KCNQ5: variants seen among roughly 807,000 people sequenced by gnomAD.
KCNQ5 encodes the protein potassium voltage-gated channel subfamily Q member 5, also known as potassium voltage-gated channel subfamily KQT member 5.
In KCNQ5, 30 loss-of-function variants were observed where a neutral mutation model predicts 98.2. The observed-to-expected ratio is 0.31, with a 90% CI of 0.23 to 0.41. KCNQ5 has a LOEUF of 0.41. Ranked by LOEUF, KCNQ5 falls within the 10% of genes least tolerant of loss-of-function variation. KCNQ5 has a pLI of 1.00. For missense variants in KCNQ5, 835 were observed against 1,182.5 expected, an observed-to-expected ratio of 0.71 and a Z score of 4.31; for synonymous variants, 458 against 449.4, an observed-to-expected ratio of 1.02 and a Z score of -0.24.
At chr6:72,666,441 G>A (rs1033440052) in intron 1 of KCNQ5, among the ~76,000 whole-genome samples, 1 of 152,070 alleles carries the variant, frequency 6.6e-6, no homozygotes, top group Non-Finnish European at 1.5e-5. Context: ...AAATGAAAGA[G>A]CATTTAATAT....
intron 1 of KCNQ5, among the ~76,000 whole-genome samples, chr6:72,633,020 G>A (rs967987274): frequency 6.6e-6 from 1 of 152,162 alleles, no homozygotes; most frequent in Non-Finnish European, 1.5e-5. Context: ...GCTTTCCACA[G>A]TGACTCAACT....
rs530635637 is a variant in KCNQ5 at position 72,920,765 on chromosome 6, T to C, written c.399-83143T>C. ...ATTTTGTCTGATTTTCTAAGTGCAG[T>C]GGTTTTGCCACACACTAAAATGTGG... On this transcript the variant is annotated intron_variant, in intron 1 of 13. Coordinates refer to ENST00000370398, the MANE Select transcript of KCNQ5 (RefSeq NM_019842.4). Among the ~76,000 whole-genome samples, 9 of 152,342 alleles carry C rather than the reference T, an allele frequency of 5.9e-5. No individual in the cohort carries two copies. In the East Asian group the frequency reaches 1.7e-3, roughly 29 times the overall value.
At chr6:73,104,178 A>G (rs1456991004) in intron 5 of KCNQ5, among the ~76,000 whole-genome samples, 3 of 152,128 alleles carry the variant, frequency 2.0e-5, no homozygotes, top group African/African-American at 7.2e-5. Context: ...CTGTTTGCTG[A>G]CAACATAATC....
rs923417784 is a variant in KCNQ5 at position 72,791,136 on chromosome 6, G to A, written c.398+168549G>A. Among the ~76,000 whole-genome samples the A allele has an allele frequency of 4.6e-5, 7 of 152,322 alleles. No individual in the cohort carries two copies. The East Asian group carries it at 1.3e-3, about 29-fold the overall frequency. ...GAAGCTGCGAGGCCTCTCGGGAGAA[G>A]CAGCATTTGAGGTAAGATCTGAAAG... On this transcript the variant is annotated intron_variant, in intron 1 of 13. Transcript: ENST00000370398.
intron 1 of KCNQ5, among the ~76,000 whole-genome samples, chr6:72,670,594 C>A (rs548246807): frequency 6.6e-6 from 1 of 152,120 alleles, no homozygotes; most frequent in Non-Finnish European, 1.5e-5. Context: ...GAATAAGTAA[C>A]TTAAACGACA....
chr6:72,986,504 C>A, intron 1 of KCNQ5: 1 of 515,372 alleles, frequency 1.9e-6, no homozygotes. Context: ...GAGCCACATC[C>A]CCCTCTAAGA....
intron 1 of KCNQ5, among the ~76,000 whole-genome samples, chr6:72,950,895 A>C (rs1766772659): frequency 6.6e-6 from 1 of 152,238 alleles, no homozygotes; most frequent in Non-Finnish European, 1.5e-5. Flanking sequence ...GCTCTACAAA[A>C]GGTCATGTGA....
At chr6:72,841,846 C>T (rs1015270836) in intron 1 of KCNQ5, among the ~76,000 whole-genome samples, 2 of 152,080 alleles carry the variant, frequency 1.3e-5, no homozygotes, top group African/African-American at 4.8e-5. Context: ...TATTAAGAAA[C>T]ATTTGAGGAA....
At chr6:72,864,991 C>A (rs1777921773) in intron 1 of KCNQ5, among the ~76,000 whole-genome samples, 1 of 152,176 alleles carries the variant, frequency 6.6e-6, no homozygotes, top group African/African-American at 2.4e-5. Context: ...TAGTTCATGT[C>A]TTTCATCCAG....
At chr6:72,649,833 C>G (rs1765784986) in intron 1 of KCNQ5, among the ~76,000 whole-genome samples, 1 of 152,058 alleles carries the variant, frequency 6.6e-6, no homozygotes, top group African/African-American at 2.4e-5. Flanking sequence ...AGTAAAAGGT[C>G]ACAGACAACA....
At chr6:72,761,261 T>G (rs1365324228) in intron 1 of KCNQ5, among the ~76,000 whole-genome samples, 15 of 152,164 alleles carry the variant, frequency 9.9e-5, no homozygotes, top group Admixed American at 9.8e-4. Flanking sequence ...AATAATTAGC[T>G]GTTTATCAGT....
At chr6:72,932,848 T>TA (rs1170716135) in intron 1 of KCNQ5, among the ~76,000 whole-genome samples, 2 of 152,212 alleles carry the variant, frequency 1.3e-5, no homozygotes, top group Non-Finnish European at 2.9e-5. Flanking sequence ...GAAACTCATC[T>TA]ACTTTATGAC....
chr6:72,776,042 T>C (rs1582267557), intron 1 of KCNQ5, among the ~76,000 whole-genome samples: 1 of 152,228 alleles, frequency 6.6e-6, no homozygotes, highest in Admixed American at 6.5e-5. Flanking sequence ...TAATGTAATA[T>C]GTTAGCAATA....
intron 1 of KCNQ5, among the ~76,000 whole-genome samples, chr6:72,801,119 A>C (rs2150093106): frequency 6.6e-6 from 1 of 151,954 alleles, no homozygotes; most frequent in African/African-American, 2.4e-5. Context: ...TGGGGTGGAG[A>C]GTTCTGGAGA....
intron 3 of KCNQ5, among the ~76,000 whole-genome samples, chr6:73,063,350 G>C (rs1405322578): frequency 6.6e-6 from 1 of 152,136 alleles, no homozygotes; most frequent in Non-Finnish European, 1.5e-5. Flanking sequence ...GCAGCTTCAG[G>C]AGTTGGTTGC....
intron 1 of KCNQ5, among the ~76,000 whole-genome samples, chr6:72,802,557 T>G (rs988795849): frequency 6.6e-6 from 1 of 152,176 alleles, no homozygotes; most frequent in East Asian, 1.9e-4. Flanking sequence ...CCTCATATCG[T>G]TACTTTAACT....
At chr6:72,637,509 A>T (rs763686400) in intron 1 of KCNQ5, among the ~76,000 whole-genome samples, 7 of 152,244 alleles carry the variant, frequency 4.6e-5, no homozygotes, top group Non-Finnish European at 8.8e-5. Context: ...TCTTCAACTA[A>T]GAGTGGTACT....
chr6:72,838,244 C>A (rs1776602479), intron 1 of KCNQ5, among the ~76,000 whole-genome samples: 1 of 151,718 alleles, frequency 6.6e-6, no homozygotes. Flanking sequence ...CTATGGACAC[C>A]AGTATTGATT....
chr6:72,869,218 A>G (rs867626131), intron 1 of KCNQ5, among the ~76,000 whole-genome samples: 3 of 152,262 alleles, frequency 2.0e-5, no homozygotes, highest in Admixed American at 1.3e-4. Flanking sequence ...AAAACACCCA[A>G]TAAGAATTAG....
Sources: allele counts gnomAD v4.1 joint callset (sites outside exome capture counted in the v4.1 genomes callset), GRCh38; gene constraint gnomAD v4.1.1; transcripts MANE v1.5; gene names NCBI Gene and HGNC (gene_info 2026-07-23, HGNC 2026-07-21).